HECW1: variants seen among roughly 807,000 people sequenced by gnomAD.
HECW1 encodes the protein HECT, C2 and WW domain containing E3 ubiquitin protein ligase 1.
Under a neutral mutation model 182.3 loss-of-function variants are expected in HECW1, and 61 were observed. The ratio of observed to expected loss-of-function variants is 0.33; its 90% CI spans 0.27 to 0.41. The LOEUF is 0.41. Among genes scored for constraint, HECW1 ranks in the 10% least tolerant of loss-of-function variants. The pLI is 1.00. For missense variants in HECW1, 1,739 were observed against 2,108.9 expected (o/e 0.82, Z 3.44); for synonymous variants, 859 against 832.6 (o/e 1.03, Z -0.55).
At chr7:43,120,225 C>T (rs2152602160) in intron 2 of HECW1, among the ~76,000 whole-genome samples, 1 of 152,308 alleles carries the variant, frequency 6.6e-6, no homozygotes, top group Middle Eastern at 3.4e-3. Context: ...CTAGAACGTG[C>T]CAGGTACAAA....
intron 8 of HECW1, among the ~76,000 whole-genome samples, chr7:43,434,272 C>T (rs1282798913): frequency 6.6e-6 from 1 of 152,090 alleles, no homozygotes; most frequent in Admixed American, 6.5e-5. Context: ...AGTTCAATAA[C>T]CAGAGAGTCA....
chr7:43,366,004 G>A (rs188176546), intron 6 of HECW1, among the ~76,000 whole-genome samples: 1 of 152,224 alleles, frequency 6.6e-6, no homozygotes, highest in Non-Finnish European at 1.5e-5. Context: ...TTGGGAGGCT[G>A]AGGCACAAGA....
chr7:43,346,393 T>G (rs961085107), intron 5 of HECW1, among the ~76,000 whole-genome samples: 2 of 152,176 alleles, frequency 1.3e-5, no homozygotes, highest in Admixed American at 1.3e-4. Context: ...TGGCTATTAG[T>G]CCTTTGTCAG....
At chr7:43,156,542 CTA>C (rs2152651476) in intron 2 of HECW1, among the ~76,000 whole-genome samples, 1 of 152,292 alleles carries the variant, frequency 6.6e-6, no homozygotes, top group Non-Finnish European at 1.5e-5. Context: ...GTATCTATTT[CTA>C]TGTTTGGCTT....
At chr7:43,317,809 T>TTG (rs3032881) in intron 4 of HECW1, among the ~76,000 whole-genome samples, 7,309 of 142,490 alleles carry the variant, frequency 0.051, 186 homozygotes, top group East Asian at 0.12. Flanking sequence ...TTTCTCATTA[T>TTG]TGTGTGTGTG....
At chr7:43,244,900 T>C (rs1799229905) in intron 3 of HECW1, among the ~76,000 whole-genome samples, 1 of 152,214 alleles carries the variant, frequency 6.6e-6, no homozygotes, top group African/African-American at 2.4e-5. Flanking sequence ...AGGGACGCCC[T>C]GAGATGTTCA....
rs1275698675 is a variant in HECW1, at chr7:43,507,201, C to A, written c.3696C>A (p.Arg1232=). Residue 1232 remains arginine (R), a synonymous_variant, in exon 22 of 30, where the codon CGC becomes CGA. Coordinates refer to ENST00000395891, the MANE Select transcript of HECW1 (RefSeq NM_015052.5). The part of the protein sequence containing the change: ...PYRRDFEAKL[R]NFYRKLEAKG... ...GAAGAGACTTTGAGGCCAAGCTCCGCAATTTCTACAGAAAACTGGAAGCCA... is the reference window on the plus strand; with the variant it reads ...GAAGAGACTTTGAGGCCAAGCTCCGAAATTTCTACAGAAAACTGGAAGCCA... The A allele has an allele frequency of 6.2e-7, 1 of 1,614,020 alleles. No individual in the cohort carries two copies. Among genetic ancestry groups the A allele is most frequent in the South Asian group, 1.1e-5 (1 of 91,078 alleles).
intron 3 of HECW1, among the ~76,000 whole-genome samples, chr7:43,303,482 AAGTTCCTT>A (rs1284277886): frequency 6.6e-6 from 1 of 151,970 alleles, no homozygotes; most frequent in African/African-American, 2.4e-5. Flanking sequence ...GCATTTTAAC[AAGTTCCTT>A]GTATTTTAAA....
intron 2 of HECW1, among the ~76,000 whole-genome samples, chr7:43,182,439 C>T (rs1792959117): frequency 6.6e-6 from 1 of 152,188 alleles, no homozygotes; most frequent in Non-Finnish European, 1.5e-5. Context: ...TTTTTGGTCC[C>T]TTCACAGAAA....
At chr7:43,480,090 C>A (rs1585036209) in intron 17 of HECW1, among the ~76,000 whole-genome samples, 1 of 152,300 alleles carries the variant, frequency 6.6e-6, no homozygotes. Flanking sequence ...ATGGAACTGC[C>A]ATGGTATGTC....
At chr7:43,240,210 C>T (rs554556800) in intron 2 of HECW1, among the ~76,000 whole-genome samples, 2 of 152,030 alleles carry the variant, frequency 1.3e-5, no homozygotes, top group East Asian at 1.9e-4. Flanking sequence ...TGGTGGTGGG[C>T]GCTTGTAGTC....
chr7:43,187,803 G>A (rs1793548379), intron 2 of HECW1, among the ~76,000 whole-genome samples: 1 of 152,082 alleles, frequency 6.6e-6, no homozygotes, highest in Admixed American at 6.5e-5. Flanking sequence ...TTATAGGTGA[G>A]CTCCAACATT....
At chr7:43,191,097 C>T (rs1252437587) in intron 2 of HECW1, among the ~76,000 whole-genome samples, 1 of 152,114 alleles carries the variant, frequency 6.6e-6, no homozygotes, top group Non-Finnish European at 1.5e-5. Context: ...ATATAAAATG[C>T]AAACAGTGGA....
At chr7:43,479,810 G>C in intron 17 of HECW1, 66 bp downstream of exon 17, 1 of 1,584,904 alleles carries the variant, frequency 6.3e-7, no homozygotes, top group Non-Finnish European at 8.6e-7. Flanking sequence ...CATGGGAGCA[G>C]AACAGTTCTT....
chr7:43,451,802 C>CAA (rs952287362), intron 12 of HECW1, among the ~76,000 whole-genome samples: 12 of 152,114 alleles, frequency 7.9e-5, no homozygotes, highest in Non-Finnish European at 1.5e-4. Context: ...ATTTTTCAAG[C>CAA]AAAGATAGTA....
chr7:43,555,412 A>C (rs577762807), intron 29 of HECW1, among the ~76,000 whole-genome samples: 1 of 152,210 alleles, frequency 6.6e-6, no homozygotes, highest in Admixed American at 6.5e-5. Flanking sequence ...AATCCTTTCT[A>C]TGCCACTCTG....
In HECW1 at chr7:43,507,170, C is replaced by G. The variant is rs2079617633; in HGVS notation, c.3665C>G (p.Pro1222Arg). ...AGAGCCAGTGCAAGAGCCCCTTCCCCCTACCGAAGAGACTTTGAGGCCAAG... is the reference window on the plus strand; with the variant it reads ...AGAGCCAGTGCAAGAGCCCCTTCCCGCTACCGAAGAGACTTTGAGGCCAAG... The part of the protein sequence containing the change: ...LQRASARAPS[P>R]YRRDFEAKLR... Residue 1222 changes from proline (P) to arginine (R), a missense_variant, in exon 22 of 30, where the codon CCC becomes CGC. Transcript: ENST00000395891. 1.2e-6 allele frequency: 2 copies of G among 1,614,000 alleles called. No individual in the cohort carries two copies. Among genetic ancestry groups the G allele is most frequent in the Non-Finnish European group, 8.5e-7 (1 of 1,179,902 alleles).
chr7:43,515,225 C>T (rs925412450), intron 24 of HECW1, among the ~76,000 whole-genome samples: 22 of 152,052 alleles, frequency 1.4e-4, no homozygotes, highest in African/African-American at 5.1e-4. Flanking sequence ...ATCCTGGTGT[C>T]GGGTAGGGAA....
At chr7:43,419,267 G>A (rs1376954632) in intron 8 of HECW1, among the ~76,000 whole-genome samples, 6 of 152,166 alleles carry the variant, frequency 3.9e-5, no homozygotes, top group African/African-American at 1.4e-4. Context: ...GCGGCATTCA[G>A]GGCAAAGATC....
Sources: allele counts gnomAD v4.1 joint callset (sites outside exome capture counted in the v4.1 genomes callset), GRCh38; gene constraint gnomAD v4.1.1; transcripts MANE v1.5; gene names NCBI Gene and HGNC (gene_info 2026-07-23, HGNC 2026-07-21).